Variants in GLI2 observed in about 807,000 individuals in gnomAD.
GLI2 encodes transcription activator GLI2.
Under a neutral mutation model 78.9 loss-of-function variants are expected in GLI2, and 22 were observed. That is an observed-to-expected ratio of 0.28 (90% confidence interval 0.20 to 0.40). The LOEUF is 0.40. Among genes scored for constraint, GLI2 ranks in the 10% least tolerant of loss-of-function variants. The pLI, the probability that GLI2 is intolerant of heterozygous loss-of-function variation, is 1.00. For missense variants in GLI2, 2,097 were observed against 2,213.2 expected, an observed-to-expected ratio of 0.95 and a Z score of 1.05; for synonymous variants, 974 against 963.7, an observed-to-expected ratio of 1.01 and a Z score of -0.20.
intron 7 of GLI2, 41 bp downstream of exon 7, chr2:120,970,647 T>A (rs369035059): frequency 6.7e-7 from 1 of 1,483,500 alleles, no homozygotes; most frequent in African/African-American, 1.4e-5. Flanking sequence ...TGGGTACTCA[T>A]CTGGACACAT....
intron 10 of GLI2, among the ~76,000 whole-genome samples, chr2:120,981,888 G>A (rs191978972): frequency 6.6e-6 from 1 of 152,134 alleles, no homozygotes; most frequent in East Asian, 1.9e-4. Flanking sequence ...GTGCCTAGAT[G>A]CTAAATATTA....
intron 2 of GLI2, among the ~76,000 whole-genome samples, chr2:120,862,050 G>A (rs1687927656): frequency 6.6e-6 from 1 of 152,218 alleles, no homozygotes; most frequent in South Asian, 2.1e-4. Flanking sequence ...CGTGGCCCGT[G>A]TGTGAGTCTT....
At chr2:120,776,659 C>T (rs2104664529) in intron 1 of GLI2, among the ~76,000 whole-genome samples, 1 of 152,250 alleles carries the variant, frequency 6.6e-6, no homozygotes, top group South Asian at 2.1e-4. Context: ...CCAGGATTAT[C>T]CCTGGACTCT....
rs923839455 is a variant in GLI2, at chr2:120,737,882, G to A, written c.-31+1597G>A. Among the ~76,000 whole-genome samples, 2 of 152,240 alleles carry A rather than the reference G, an allele frequency of 1.3e-5. No homozygotes were observed. Among genetic ancestry groups the A allele is most frequent in the South Asian group, 2.1e-4 (1 of 4,834 alleles). ...ACTGTGAAATCCAAAATATACAGCG[G>A]GGAAAGCGGAGGAATAGGCGGGTTT... is the stretch of plus-strand genomic sequence containing the variant. On this transcript the variant is annotated intron_variant, in intron 1 of 13. Coordinates refer to ENST00000361492, the MANE Select transcript of GLI2 (RefSeq NM_001374353.1). This position sits in a 1 kb window ranked among gnomAD's most constrained non-coding sequence, Gnocchi z 4.3.
chr2:120,957,528 C>G (rs866000307), intron 5 of GLI2, among the ~76,000 whole-genome samples: 1 of 152,240 alleles, frequency 6.6e-6, no homozygotes, highest in South Asian at 2.1e-4. Flanking sequence ...AATTGCCACA[C>G]CCGAATGTCA....
intron 2 of GLI2, among the ~76,000 whole-genome samples, chr2:120,829,856 C>T (rs1686270955): frequency 6.6e-6 from 1 of 152,176 alleles, no homozygotes; most frequent in South Asian, 2.1e-4. Context: ...AAGTGCAGGG[C>T]TGAGTTCATG....
At position 120,804,105 on chromosome 2, in the gene GLI2, C is replaced by A. The variant is rs370867041; in HGVS notation, c.148+6637C>A. 7.4e-4 allele frequency among the ~76,000 whole-genome samples: 112 copies of A among 152,216 alleles called. 1 individual carries two copies. Among genetic ancestry groups the A allele is most frequent in the Admixed American group, 1.3e-3 (20 of 15,296 alleles). On this transcript the variant is annotated intron_variant, in intron 2 of 13. Coordinates refer to ENST00000361492, the MANE Select transcript of GLI2 (RefSeq NM_001374353.1). ...TCTGAGGCACAGTTTTGCTTAGTGG[C>A]GAGGCATGCATGTCTATATGGGAAT...
chr2:120,911,156 C>G (rs553256367), intron 2 of GLI2, among the ~76,000 whole-genome samples: 1 of 152,330 alleles, frequency 6.6e-6, no homozygotes, highest in South Asian at 2.1e-4. Flanking sequence ...GAGCTCATAC[C>G]GCCCTACCCT....
chr2:120,843,422 T>C (rs2104585866), intron 2 of GLI2, among the ~76,000 whole-genome samples: 1 of 152,364 alleles, frequency 6.6e-6, no homozygotes, highest in East Asian at 1.9e-4. Context: ...GATCTGTCTA[T>C]ACTTACAGCT....
At chr2:120,812,668 G>A (rs1573415249) in intron 2 of GLI2, among the ~76,000 whole-genome samples, 1 of 152,278 alleles carries the variant, frequency 6.6e-6, no homozygotes, top group South Asian at 2.1e-4. Context: ...CTCTGTCTGG[G>A]GACATCACCT....
intron 1 of GLI2, among the ~76,000 whole-genome samples, chr2:120,757,918 A>T (rs1434734112): frequency 6.6e-6 from 1 of 151,992 alleles, no homozygotes; most frequent in East Asian, 1.9e-4. Context: ...TGGTTATTTG[A>T]TGGTTTTGGG....
At chr2:120,740,788 T>C (rs1042357371) in intron 1 of GLI2, among the ~76,000 whole-genome samples, 2 of 152,268 alleles carry the variant, frequency 1.3e-5, no homozygotes, top group Non-Finnish European at 2.9e-5. Flanking sequence ...AAGGGGACTT[T>C]TTATTCATTA....
At position 120,946,703 on chromosome 2, in the gene GLI2, A is replaced by G. The variant is rs530454085; in HGVS notation, c.255-4540A>G. Reference sequence around the variant, plus strand: ...TTCCTGGTGAAGTCTCCATGGCTCAATCGTCTGCTCACTGGCGCTGGCAAC... The same window carrying G: ...TTCCTGGTGAAGTCTCCATGGCTCAGTCGTCTGCTCACTGGCGCTGGCAAC... On this transcript the variant is annotated intron_variant, in intron 3 of 13. Coordinates refer to ENST00000361492, the MANE Select transcript of GLI2 (RefSeq NM_001374353.1). 3.3e-5 allele frequency among the ~76,000 whole-genome samples: 5 copies of G among 152,276 alleles called. No homozygotes were observed. The South Asian group carries it at 8.3e-4, about 25-fold the overall frequency.
At position 120,968,900 on chromosome 2, in the gene GLI2, C is replaced by T. The variant is rs552495842; in HGVS notation, c.830C>T (p.Ser277Leu). Residue 277 changes from serine to leucine, a missense_variant, in exon 6 of 14, where the codon TCA (serine) becomes TTA (leucine). Physicochemically the swap from Ser to Leu is moderately radical, Grantham distance 145. Transcript: ENST00000361492. ...SAASGSYGHLSAGALSPAFTF... is the reference protein window; with the variant it reads ...SAASGSYGHLLAGALSPAFTF... Reference sequence around the variant, plus strand: ...GCCAGCGGTTCCTACGGGCATCTGTCAGCGGGTGCCCTCAGGTGAGCCCCG... The same window carrying T: ...GCCAGCGGTTCCTACGGGCATCTGTTAGCGGGTGCCCTCAGGTGAGCCCCG... 2 of 1,611,740 alleles carry T rather than the reference C, an allele frequency of 1.2e-6. No homozygotes were observed. Among genetic ancestry groups the T allele is most frequent in the Non-Finnish European group, 1.7e-6 (2 of 1,179,426 alleles).
intron 1 of GLI2, among the ~76,000 whole-genome samples, chr2:120,787,797 T>G (rs1684039375): frequency 6.6e-6 from 1 of 152,178 alleles, no homozygotes; most frequent in African/African-American, 2.4e-5. Context: ...GGAGAGACCC[T>G]GGACCTCTAG....
intron 2 of GLI2, among the ~76,000 whole-genome samples, chr2:120,798,686 C>G (rs1004264003): frequency 2.6e-5 from 4 of 152,080 alleles, no homozygotes; most frequent in Non-Finnish European, 4.4e-5. Context: ...ACTCTCTAGG[C>G]CCTCCCTCTG....
At chr2:120,912,896 G>C (rs886866170) in intron 2 of GLI2, among the ~76,000 whole-genome samples, 1 of 152,202 alleles carries the variant, frequency 6.6e-6, no homozygotes, top group African/African-American at 2.4e-5. Flanking sequence ...GGTGGGGAGA[G>C]AGGCACAGGC....
Position 120,737,224 on chromosome 2 carries a change from G to A in GLI2, c.-31+939G>A, listed in dbSNP as rs998942555. Among the ~76,000 whole-genome samples the A allele has an allele frequency of 6.6e-6, 1 of 151,998 alleles. No homozygotes were observed. Among genetic ancestry groups the A allele is most frequent in the Non-Finnish European group, 1.5e-5 (1 of 67,992 alleles). On this transcript the variant is annotated intron_variant, in intron 1 of 13. Transcript: ENST00000361492. The surrounding 1 kb of genome is among the most constrained non-coding windows in gnomAD (Gnocchi z 4.3). ...GAGCTGGGAGGGAGCGTGTGCTTGCGTGTGTGAGTGTGAGCGCGCCCGCCG... is the reference window on the plus strand; with the variant it reads ...GAGCTGGGAGGGAGCGTGTGCTTGCATGTGTGAGTGTGAGCGCGCCCGCCG...
At chr2:120,845,645 T>C (rs534290015) in intron 2 of GLI2, among the ~76,000 whole-genome samples, 2 of 152,312 alleles carry the variant, frequency 1.3e-5, no homozygotes, top group African/African-American at 4.8e-5. Flanking sequence ...CAGCTTCTTG[T>C]GCTGACTTGG....
Sources: allele counts gnomAD v4.1 joint callset (sites outside exome capture counted in the v4.1 genomes callset), GRCh38; gene constraint gnomAD v4.1.1; non-coding constraint Gnocchi (gnomAD v3.1); transcripts MANE v1.5; gene names NCBI Gene and HGNC (gene_info 2026-07-23, HGNC 2026-07-21).